Variants in E4F1 observed in about 807,000 individuals in gnomAD.
The protein encoded by E4F1 is E4F transcription factor 1.
A neutral mutation model predicts 72.9 loss-of-function variants in E4F1; 30 were observed. The ratio of observed to expected loss-of-function variants is 0.41; its 90% confidence interval spans 0.31 to 0.56. The LOEUF is 0.56. Ranked by LOEUF, E4F1 falls within the 20% of genes least tolerant of loss-of-function variation. The pLI is 0.25. For missense variants in E4F1, 1,091 were observed against 1,117.5 expected (o/e 0.98, Z 0.34); for synonymous variants, 542 against 478.2 (o/e 1.13, Z -1.74).
chr16:2,227,440 C>T (rs2093438377), intron 1 of E4F1, among the ~76,000 whole-genome samples: 4 of 151,542 alleles, frequency 2.6e-5, no homozygotes, highest in Middle Eastern at 3.4e-3. Flanking sequence ...GGTGTGATCT[C>T]GGCTCACTGC....
In E4F1 at chr16:2,235,467, T is replaced by C; in HGVS notation, c.2250T>C (p.Thr750=). 1 of 1,612,446 alleles carries C rather than the reference T, an allele frequency of 6.2e-7. No individual in the cohort carries two copies. Among genetic ancestry groups the C allele is most frequent in the Non-Finnish European group, 8.5e-7 (1 of 1,179,782 alleles). ...RAGTSGTEQA[T]VTMVSSEDIE... The stretch of plus-strand genomic sequence containing the variant: ...GGACAAGTGGCACTGAACAGGCCAC[T>C]GTGACCATGGTGTCATCAGAGGACA... Residue 750 remains threonine, a synonymous_variant, in exon 14 of 14, where the codon ACT becomes ACC. Transcript: ENST00000301727.
intron 1 of E4F1, among the ~76,000 whole-genome samples, chr16:2,224,501 C>T (rs1357991041): frequency 1.3e-5 from 2 of 152,170 alleles, no homozygotes; most frequent in East Asian, 1.9e-4. Flanking sequence ...CTGAAAGTGA[C>T]CGGGTGGGCT....
chr16:2,224,172 G>T (rs1555476497), intron 1 of E4F1, among the ~76,000 whole-genome samples: 1 of 152,240 alleles, frequency 6.6e-6, no homozygotes. Context: ...AGAGGGTGGG[G>T]CCTCGGTTTC....
At chr16:2,232,096 C>A in intron 3 of E4F1, 75 bp from the exon 4 acceptor site, 1 of 1,572,054 alleles carries the variant, frequency 6.4e-7, no homozygotes, top group South Asian at 1.1e-5. Context: ...CAGGTCCCCT[C>A]CCCTGGAGCC....
At chr16:2,233,720 C>T (rs2093483751) in intron 8 of E4F1, 73 bp downstream of exon 8, 2 of 1,485,008 alleles carry the variant, frequency 1.3e-6, no homozygotes, top group African/African-American at 1.4e-5. Context: ...TGGCCTTCGC[C>T]TCCCTGAAGT....
chr16:2,233,555 C>G lies in E4F1; in HGVS notation c.1174C>G (p.Leu392Val). 2.0e-6 allele frequency: 3 copies of G among 1,513,004 alleles called. No individual in the cohort carries two copies. The highest frequency in any genetic ancestry group is 2.7e-6 in the Non-Finnish European group (3 of 1,129,830). 93.7% of individuals were successfully genotyped at this position (1,513,004 alleles called of 1,614,324 possible). A position where few individuals can be genotyped will look rare whatever the true frequency, so the allele number is the denominator to read the frequency against. Reference protein sequence around the residue: ...LERAAGEEGALEPAPAAGSSP... With the variant: ...LERAAGEEGAVEPAPAAGSSP... ...GCGCGCTGCTGGGGAGGAGGGTGCC[C>G]TGGAGCCAGCTCCTGCTGCCGGGTC... Residue 392 changes from leucine (L) to valine (V), a missense_variant, in exon 8 of 14, where the codon CTG (leucine) becomes GTG (valine). Around this residue, in one of 5 missense-constraint regions of E4F1, gnomAD observed 622 missense variants for 628.0 expected, o/e 0.99. Transcript: ENST00000301727.
intron 7 of E4F1, 119 bp downstream of exon 7, chr16:2,233,302 C>T: frequency 6.9e-7 from 1 of 1,451,224 alleles, no homozygotes; most frequent in South Asian, 1.4e-5. Context: ...GGGCTTCCCA[C>T]AGGGAGAGCA....
chr16:2,223,919 G>A, intron 1 of E4F1, 149 bp downstream of exon 1: 1 of 1,530,520 alleles, frequency 6.5e-7, no homozygotes, highest in Admixed American at 2.0e-5. Flanking sequence ...AGCCCTCCAC[G>A]AAACCCCCAG....
chr16:2,232,186 A>G lies in E4F1; in HGVS notation c.431A>G (p.Lys144Arg), dbSNP rs138184443. ...ASDLVGGGHI[K>R]EVIVAAEAEL... ...CTTCTCCTAGGTGGTGGGCACATCA[A>G]AGAGGTCATCGTGGCTGCTGAGGCG... The change falls in exon 4 of 14, where the codon AAA becomes AGA. Residue 144 changes from lysine (K) to arginine (R), a missense_variant. By Grantham distance (26) the Lys-to-Arg change is conservative. Coordinates refer to ENST00000301727, the MANE Select transcript of E4F1 (RefSeq NM_004424.5). 12 of 1,612,054 alleles carry G rather than the reference A, an allele frequency of 7.4e-6. No individual in the cohort carries two copies. The highest frequency in any genetic ancestry group is 9.3e-6 in the Non-Finnish European group (11 of 1,179,910).
At chr16:2,229,955 C>T (rs1009360584) in intron 3 of E4F1, 8 of 406,996 alleles carry the variant, frequency 2.0e-5, no homozygotes, top group Admixed American at 7.1e-5. Context: ...TGGTCTCTGC[C>T]GTGTCCCTCC....
chr16:2,226,047 C>T (rs1363609834), intron 1 of E4F1, among the ~76,000 whole-genome samples: 10 of 151,724 alleles, frequency 6.6e-5, no homozygotes, highest in Non-Finnish European at 1.3e-4. Flanking sequence ...GAGCTGAGAT[C>T]GCCCCACTGC....
At chr16:2,223,799 CG>C (rs1567294022) in intron 1 of E4F1, 29 bp downstream of exon 1, 5 of 1,532,928 alleles carry the variant, frequency 3.3e-6, no homozygotes, top group Non-Finnish European at 3.5e-6. Flanking sequence ...AGGGTGCGGC[CG>C]GGGTGCGGGC....
At position 2,235,221 on chromosome 16, in the gene E4F1, C is replaced by T. The variant is rs2093499843; in HGVS notation, c.2004C>T (p.Asp668=). Reference sequence around the variant, plus strand: ...GCTGAGCCGTGGCCCTGCAGGTGGACAGCCACATCATGAAGGTGGTGCAGC... The same window carrying T: ...GCTGAGCCGTGGCCCTGCAGGTGGATAGCCACATCATGAAGGTGGTGCAGC... ...EIIEGTQTEV[D]SHIMKVVQQI... Residue 668 remains aspartate, a synonymous_variant, in exon 14 of 14, where the codon GAC becomes GAT. Transcript: ENST00000301727. 1.2e-6 allele frequency: 2 copies of T among 1,609,030 alleles called. No homozygotes were observed. Among genetic ancestry groups the T allele is most frequent in the East Asian group, 4.5e-5 (2 of 44,834 alleles).
rs766832827 is a variant in E4F1, at chr16:2,233,116, C to T, written c.989C>T (p.Thr330Ile). 2 of 1,612,476 alleles carry T rather than the reference C, an allele frequency of 1.2e-6. No homozygotes were observed. The highest frequency in any genetic ancestry group is 1.7e-6 in the Non-Finnish European group (2 of 1,179,390). Residue 330 changes from threonine (T) to isoleucine (I), a missense_variant, in exon 7 of 14, where the codon ACC becomes ATC. Transcript: ENST00000301727. ...VIHLVTDAKG[T>I]VIHEVHVQMQ... ...CACCTGGTGACAGATGCCAAGGGCA[C>T]CGTCATCCACGAAGTCCACGTCCAG...
chr16:2,234,130 C>T (rs570462130), intron 9 of E4F1, 41 bp from the exon 10 acceptor site: 50 of 1,600,004 alleles, frequency 3.1e-5, no homozygotes, highest in South Asian at 2.2e-4. Context: ...CTGGCGGGCC[C>T]GCGGGTGATG....
At chr16:2,224,602 A>G (rs142292722) in intron 1 of E4F1, among the ~76,000 whole-genome samples, 1,764 of 152,090 alleles carry the variant, frequency 0.012, 28 homozygotes, top group African/African-American at 0.04. Flanking sequence ...ATCCTGGCCA[A>G]CATGGTGAAA....
chr16:2,224,452 T>C (rs956551124), intron 1 of E4F1, among the ~76,000 whole-genome samples: 1 of 152,224 alleles, frequency 6.6e-6, no homozygotes, highest in Non-Finnish European at 1.5e-5. Context: ...GTTATTGTTA[T>C]TCTCATTTTG....
At chr16:2,230,413 T>C (rs2093460603) in intron 3 of E4F1, 1 of 145,254 alleles carries the variant, frequency 6.9e-6, no homozygotes. Context: ...GGGTTGGGGG[T>C]GCGGCAGGGG....
intron 2 of E4F1, among the ~76,000 whole-genome samples, chr16:2,229,358 C>G (rs2141448620): frequency 6.7e-6 from 1 of 148,590 alleles, no homozygotes; most frequent in South Asian, 2.1e-4. Context: ...GGCGCTGACC[C>G]TGGCCCGGGG....
Sources: gnomAD v4.1 joint callset for allele counts (sites outside exome capture counted in the v4.1 genomes callset) on GRCh38, gnomAD v4.1.1 for gene constraint, gnomAD v4.1.1 regional missense constraint, MANE v1.5 for transcripts, NCBI Gene and HGNC (gene_info 2026-07-23, HGNC 2026-07-21) for gene names.